The following RAB27B variants were observed in gnomAD, a reference collection of about 807,000 sequenced individuals.
RAB27B encodes ras-related protein Rab-27B.
A neutral mutation model predicts 24.6 loss-of-function variants in RAB27B; 15 were observed. The ratio of observed to expected loss-of-function variants is 0.61; its 90% CI spans 0.41 to 0.94. RAB27B has a LOEUF of 0.94. RAB27B is among the 40% of genes least tolerant of loss of function. RAB27B has a pLI of 0.00. For missense variants in RAB27B, 261 were observed against 266.8 expected (o/e 0.98, Z 0.15); for synonymous variants, 105 against 92.5 (o/e 1.14, Z -0.78).
At chr18:54,785,141 G>A (rs564261547) in intron 2 of RAB27B, among the ~76,000 whole-genome samples, 17 of 150,888 alleles carry the variant, frequency 1.1e-4, no homozygotes, top group South Asian at 2.1e-4. Context: ...TCGCTCTGTC[G>A]CCCAGGCTGG....
upstream of RAB27B, among the ~76,000 whole-genome samples, chr18:54,826,045 A>T (rs1910460550): frequency 6.6e-6 from 1 of 152,230 alleles, no homozygotes; most frequent in Non-Finnish European, 1.5e-5. Flanking sequence ...TTACAAGTTT[A>T]TGTGTTATTT....
At chr18:54,844,141 T>C (rs1037858405) in intron 1 of RAB27B, among the ~76,000 whole-genome samples, 2 of 152,208 alleles carry the variant, frequency 1.3e-5, no homozygotes, top group Non-Finnish European at 2.9e-5. Flanking sequence ...AATATATCAA[T>C]ATCTTCTGAG....
chr18:54,745,801 GTATT>G (rs199778736), intron 2 of RAB27B, among the ~76,000 whole-genome samples: 1,706 of 133,546 alleles, frequency 0.013, 32 homozygotes, highest in African/African-American at 0.043. Flanking sequence ...TTATATATAA[GTATT>G]TATAAATATT....
chr18:54,796,763 G>C (rs571659219), intron 2 of RAB27B, among the ~76,000 whole-genome samples: 3 of 152,312 alleles, frequency 2.0e-5, no homozygotes, highest in East Asian at 3.9e-4. Context: ...ACATTTGCGT[G>C]CAAGAACAGG....
At position 54,887,991 on chromosome 18, in the gene RAB27B, C is replaced by T. The variant is rs1248886523; in HGVS notation, c.344-4C>T. ...TTGCTGGTTCCATCTGCTTTCTTTTCAAGGCCAACTGCAAGCAAATGCTTA... is the reference window on the plus strand; with the variant it reads ...TTGCTGGTTCCATCTGCTTTCTTTTTAAGGCCAACTGCAAGCAAATGCTTA... On this transcript the variant is annotated splice_region_variant and splice_polypyrimidine_tract_variant and intron_variant, in intron 4 of 5. Transcript: ENST00000262094. The T allele has an allele frequency of 6.2e-7, 1 of 1,607,948 alleles. No homozygotes were observed. The highest frequency in any genetic ancestry group is 1.3e-5 in the African/African-American group (1 of 74,674).
intron 1 of RAB27B, among the ~76,000 whole-genome samples, chr18:54,838,528 G>A (rs1781551373): frequency 6.6e-6 from 1 of 152,108 alleles, no homozygotes; most frequent in South Asian, 2.1e-4. Flanking sequence ...AGAACATATT[G>A]TATGCCTACT....
intron 2 of RAB27B, among the ~76,000 whole-genome samples, chr18:54,803,240 T>G (rs1441909697): frequency 6.6e-6 from 1 of 152,090 alleles, no homozygotes; most frequent in African/African-American, 2.4e-5. Context: ...GATAAGGCAG[T>G]AGGAAGTCCT....
rs768589674 is a variant in RAB27B, at chr18:54,879,469, C to T, written c.239+15C>T. On this transcript the variant is annotated intron_variant, in intron 3 of 5. Coordinates refer to ENST00000262094, the MANE Select transcript of RAB27B (RefSeq NM_004163.4). ...GGACAAGAGCGGTAATAGTAAATTGCTTTATTTGTGGCTACACATAGCTTA... is the reference window on the plus strand; with the variant it reads ...GGACAAGAGCGGTAATAGTAAATTGTTTTATTTGTGGCTACACATAGCTTA... 1.2e-5 allele frequency: 19 copies of T among 1,596,620 alleles called. No homozygotes were observed. Among genetic ancestry groups the T allele is most frequent in the Non-Finnish European group, 1.4e-5 (16 of 1,164,252 alleles).
intron 1 of RAB27B, among the ~76,000 whole-genome samples, chr18:54,833,693 T>A (rs969964665): frequency 6.6e-6 from 1 of 152,180 alleles, no homozygotes; most frequent in Admixed American, 6.5e-5. Flanking sequence ...AGGACCTCTG[T>A]GAGGAAAGGG....
At chr18:54,742,258 C>T (rs947789135) in intron 2 of RAB27B, among the ~76,000 whole-genome samples, 1 of 152,164 alleles carries the variant, frequency 6.6e-6, no homozygotes, top group Admixed American at 6.5e-5. Context: ...CAGGAGAGAC[C>T]TTTCTGGCAG....
upstream of RAB27B, among the ~76,000 whole-genome samples, chr18:54,824,796 G>A (rs1330209535): frequency 6.6e-6 from 1 of 152,078 alleles, no homozygotes; most frequent in Non-Finnish European, 1.5e-5. Flanking sequence ...ATGCACATGT[G>A]TATCAAACAA....
At chr18:54,750,217 A>C (rs1231570228) in intron 2 of RAB27B, among the ~76,000 whole-genome samples, 1 of 152,154 alleles carries the variant, frequency 6.6e-6, no homozygotes, top group East Asian at 1.9e-4. Flanking sequence ...GAATCTTATA[A>C]TGATCCAGCG....
At chr18:54,875,646 A>G (rs1030655744) in intron 1 of RAB27B, among the ~76,000 whole-genome samples, 4 of 151,992 alleles carry the variant, frequency 2.6e-5, no homozygotes, top group African/African-American at 9.7e-5. Context: ...GAGCAAAAGT[A>G]TGAATTTGCA....
chr18:54,782,455 A>G (rs920604057), intron 2 of RAB27B, among the ~76,000 whole-genome samples: 26 of 152,280 alleles, frequency 1.7e-4, no homozygotes, highest in African/African-American at 5.5e-4. Context: ...TTTTGCAGCA[A>G]TAACTTAGTG....
At chr18:54,883,203 G>A (rs1468768204) in intron 3 of RAB27B, among the ~76,000 whole-genome samples, 1 of 152,136 alleles carries the variant, frequency 6.6e-6, no homozygotes, top group Admixed American at 6.6e-5. Context: ...TATCCAACAA[G>A]TAATTAGGCA....
intron 2 of RAB27B, among the ~76,000 whole-genome samples, chr18:54,745,794 TA>T (rs1041985398): frequency 4.1e-5 from 6 of 146,374 alleles, no homozygotes; most frequent in African/African-American, 1.5e-4. Context: ...TTATTATTTA[TA>T]TATAAGTATT....
At chr18:54,842,982 G>A (rs1433138511) in intron 1 of RAB27B, among the ~76,000 whole-genome samples, 1 of 152,072 alleles carries the variant, frequency 6.6e-6, no homozygotes, top group Non-Finnish European at 1.5e-5. Flanking sequence ...TTTTTTAGTA[G>A]AGACGGTGTT....
chr18:54,872,495 C>T (rs576404832), intron 1 of RAB27B, among the ~76,000 whole-genome samples: 116 of 151,862 alleles, frequency 7.6e-4, no homozygotes, highest in Admixed American at 3.9e-3. Flanking sequence ...CATGGTGGTG[C>T]ATGCCTGTAA....
intron 2 of RAB27B, among the ~76,000 whole-genome samples, chr18:54,817,047 A>T (rs1910144144): frequency 6.6e-6 from 1 of 152,160 alleles, no homozygotes; most frequent in Non-Finnish European, 1.5e-5. Flanking sequence ...TTTATTTCTA[A>T]CGTTTTACAT....
Sources: gnomAD v4.1 joint callset for allele counts (sites outside exome capture counted in the v4.1 genomes callset) on GRCh38, gnomAD v4.1.1 for gene constraint, MANE v1.5 for transcripts, NCBI Gene and HGNC (gene_info 2026-07-23, HGNC 2026-07-21) for gene names.